Variants in TSPAN7 observed in about 807,000 individuals in gnomAD.
TSPAN7 encodes tetraspanin 7, also known as tetraspanin-7.
TSPAN7 carries 1 observed loss-of-function variant against 17.6 expected under a neutral mutation model. The ratio of observed to expected loss-of-function variants is 0.06; its 90% CI spans 0.02 to 0.27. The LOEUF is 0.27. Ranked by LOEUF, TSPAN7 falls within the 10% of genes least tolerant of loss-of-function variation. The pLI, the probability that TSPAN7 is intolerant of heterozygous loss-of-function variation, is 1.00. For synonymous variants in TSPAN7, 78 were observed against 79.0 expected (o/e 0.99, Z 0.07); for missense variants, 112 against 201.7 (o/e 0.56, Z 2.69).
intron 1 of TSPAN7, among the ~76,000 whole-genome samples, chrX:38,636,075 GTTAT>G (rs146991452): frequency 0.33 from 34,159 of 102,184 alleles, 4,845 homozygotes; most frequent in East Asian, 0.67. Flanking sequence ...TTTTCATTTT[GTTAT>G]TTATTTATTT....
At chrX:38,570,158 GGATTAA>G (rs1477807931) in intron 1 of TSPAN7, among the ~76,000 whole-genome samples, 1 of 111,545 alleles carries the variant, frequency 9.0e-6, no homozygotes, top group African/African-American at 3.3e-5. Context: ...GGACCTTGCT[GGATTAA>G]TTTAGTGTTT....
chrX:38,678,389 G>C (rs1478334990), intron 5 of TSPAN7, among the ~76,000 whole-genome samples: 1 of 112,383 alleles, frequency 8.9e-6, no homozygotes, highest in Non-Finnish European at 1.9e-5. Context: ...CGTGCTGAGA[G>C]AGTGAGCAAA....
intron 1 of TSPAN7, among the ~76,000 whole-genome samples, chrX:38,644,425 T>A (rs149400919): frequency 8.9e-6 from 1 of 112,322 alleles, no homozygotes; most frequent in Admixed American, 9.4e-5. Flanking sequence ...CCCTTTCGAT[T>A]TATATCTTTT....
chrX:38,586,412 T>C (rs1272853061), intron 1 of TSPAN7, among the ~76,000 whole-genome samples: 2 of 112,463 alleles, frequency 1.8e-5, no homozygotes, highest in Non-Finnish European at 3.8e-5. Flanking sequence ...TAAAACAATG[T>C]ATTTCTTTTA....
At chrX:38,616,708 G>A (rs2069457890) in intron 1 of TSPAN7, among the ~76,000 whole-genome samples, 1 of 111,906 alleles carries the variant, frequency 8.9e-6, no homozygotes, top group Non-Finnish European at 1.9e-5. Context: ...CTCCATAAGT[G>A]CTTGCTGAAT....
intron 1 of TSPAN7, among the ~76,000 whole-genome samples, chrX:38,585,506 A>T (rs1221194195): frequency 3.6e-5 from 4 of 111,797 alleles, no homozygotes; most frequent in African/African-American, 1.3e-4. Context: ...TTTTAAGAAA[A>T]TTTTTTATTT....
At chrX:38,645,238 A>AT (rs763561261) in intron 1 of TSPAN7, among the ~76,000 whole-genome samples, 44 of 112,302 alleles carry the variant, frequency 3.9e-4, no homozygotes, top group African/African-American at 1.4e-3. Context: ...GCTAATTCCC[A>AT]GGAGCTTCTA....
chrX:38,621,066 A>G (rs993291024), intron 1 of TSPAN7, among the ~76,000 whole-genome samples: 1 of 112,017 alleles, frequency 8.9e-6, no homozygotes, highest in African/African-American at 3.2e-5. Context: ...TTAATTACCA[A>G]ACAAAATTAT....
intron 1 of TSPAN7, among the ~76,000 whole-genome samples, chrX:38,637,544 T>C (rs2069587649): frequency 1.8e-5 from 2 of 112,478 alleles, no homozygotes; most frequent in African/African-American, 6.5e-5. Flanking sequence ...TTGAGGCTGC[T>C]GAACTCACTT....
Position 38,687,581 on chromosome X carries a change from T to G in TSPAN7, c.682-18T>G. 5 of 1,209,415 alleles carry G rather than the reference T, an allele frequency of 4.1e-6. No homozygotes were observed. The highest frequency in any genetic ancestry group is 5.6e-6 in the Non-Finnish European group (5 of 894,073). On this transcript the variant is annotated intron_variant, in intron 6 of 7. Transcript: ENST00000378482. ...GGTGACTTGAGATTCTCATTTTCGT[T>G]TTTCTCCCTGGCAACAGTTAATTGG...
At chrX:38,604,115 A>C (rs1200272449) in intron 1 of TSPAN7, among the ~76,000 whole-genome samples, 1 of 97,357 alleles carries the variant, frequency 1.0e-5, no homozygotes, top group Non-Finnish European at 2.0e-5. Context: ...GAGTGAGAAT[A>C]TGCGGTGTTT....
intron 1 of TSPAN7, among the ~76,000 whole-genome samples, chrX:38,618,192 G>A (rs750662476): frequency 9.0e-6 from 1 of 111,666 alleles, no homozygotes; most frequent in South Asian, 3.8e-4. Flanking sequence ...GCATGTTAGG[G>A]AAGTCAGAAC....
chrX:38,609,249 G>A (rs1390682156), intron 1 of TSPAN7, among the ~76,000 whole-genome samples: 1 of 111,680 alleles, frequency 9.0e-6, no homozygotes, highest in African/African-American at 3.3e-5. Context: ...CAAGCTGAAT[G>A]AATTTGAAGT....
chrX:38,580,288 T>C (rs1356362851), intron 1 of TSPAN7, among the ~76,000 whole-genome samples: 1 of 112,430 alleles, frequency 8.9e-6, no homozygotes, highest in Non-Finnish European at 1.9e-5. Context: ...GTTCATTCTT[T>C]GTGAGAGGGT....
At chrX:38,587,716 T>C (rs760236156) in intron 1 of TSPAN7, among the ~76,000 whole-genome samples, 2 of 111,686 alleles carry the variant, frequency 1.8e-5, no homozygotes, top group African/African-American at 6.5e-5. Context: ...GATGATTGGC[T>C]GAGAGGAGTT....
chrX:38,657,010 T>G (rs748997710), intron 1 of TSPAN7, among the ~76,000 whole-genome samples: 3 of 112,256 alleles, frequency 2.7e-5, no homozygotes, highest in Non-Finnish European at 5.6e-5. Context: ...TTCTTTTTGC[T>G]TCTGGGCCTT....
At chrX:38,679,856 C>T (rs1283993895) in intron 5 of TSPAN7, among the ~76,000 whole-genome samples, 1 of 111,747 alleles carries the variant, frequency 8.9e-6, no homozygotes, top group Non-Finnish European at 1.9e-5. Flanking sequence ...TAATGTATTT[C>T]CTTTCCCACT....
chrX:38,673,413 G>C lies in TSPAN7; in HGVS notation c.346-808G>C, dbSNP rs924675322. Among the ~76,000 whole-genome samples the C allele has an allele frequency of 1.4e-4, 15 of 103,916 alleles. No homozygotes were observed. In the East Asian group the frequency reaches 3.6e-3, roughly 25 times the overall value. 90.2% of individuals were successfully genotyped at this position (103,916 alleles called of 115,157 possible). ...GACAGAGCCTTGCTCTGTTGCCAAG[G>C]CTGGAGTGCTGTGGCACAATCTCTG... On this transcript the variant is annotated intron_variant, in intron 3 of 7. Coordinates refer to ENST00000378482, the MANE Select transcript of TSPAN7 (RefSeq NM_004615.4).
chrX:38,661,744 G>T (rs1244305978), intron 1 of TSPAN7, among the ~76,000 whole-genome samples: 2 of 111,509 alleles, frequency 1.8e-5, no homozygotes, highest in Non-Finnish European at 3.8e-5. Flanking sequence ...TTGATTTAGG[G>T]ATTTGAGGTC....
Sources: gnomAD v4.1 joint callset for allele counts (sites outside exome capture counted in the v4.1 genomes callset) on GRCh38, gnomAD v4.1.1 for gene constraint, MANE v1.5 for transcripts, NCBI Gene and HGNC (gene_info 2026-07-23, HGNC 2026-07-21) for gene names.